TBC1D8: variants seen among roughly 807,000 people sequenced by gnomAD.
TBC1D8 encodes TBC1 domain family member 8.
Under a neutral mutation model 118.8 loss-of-function variants are expected in TBC1D8, and 65 were observed. That is an observed-to-expected ratio of 0.55 (90% CI 0.45 to 0.67). The LOEUF (loss-of-function observed/expected upper bound fraction) is 0.67. Among genes scored for constraint, TBC1D8 ranks in the 30% least tolerant of loss-of-function variants. The probability of loss-of-function intolerance (pLI) is 0.00; values close to 1 mark genes in which losing one functional copy is unlikely to be tolerated. For missense variants in TBC1D8, 1,376 were observed against 1,471.2 expected (o/e 0.94, Z 1.06); for synonymous variants, 566 against 595.8 (o/e 0.95, Z 0.73).
intron 2 of TBC1D8, among the ~76,000 whole-genome samples, chr2:101,069,904 C>T (rs1485621660): frequency 7.1e-6 from 1 of 140,586 alleles, no homozygotes; most frequent in African/African-American, 2.7e-5. Flanking sequence ...CATTTATATA[C>T]AGAGCATGTT....
At chr2:101,104,297 T>C (rs1232334572) in intron 1 of TBC1D8, among the ~76,000 whole-genome samples, 3 of 152,244 alleles carry the variant, frequency 2.0e-5, no homozygotes. Context: ...CCCAATTTTA[T>C]CTACAGATTC....
intron 1 of TBC1D8, among the ~76,000 whole-genome samples, chr2:101,097,814 G>C (rs1038885018): frequency 6.6e-6 from 1 of 152,148 alleles, no homozygotes; most frequent in African/African-American, 2.4e-5. Flanking sequence ...GCCACAGTGA[G>C]CTATGATTGA....
chr2:101,055,902 A>T (rs1288309833), intron 3 of TBC1D8, among the ~76,000 whole-genome samples: 1 of 152,078 alleles, frequency 6.6e-6, no homozygotes, highest in African/African-American at 2.4e-5. Flanking sequence ...TAAGCCCAAA[A>T]GTTTGAGGTT....
At chr2:101,017,952 T>C in intron 17 of TBC1D8, 1 of 1,549,592 alleles carries the variant, frequency 6.5e-7, no homozygotes, top group Non-Finnish European at 8.7e-7. Flanking sequence ...CTTCTCTACT[T>C]GGTGAAAAGT....
At chr2:101,049,224 T>C (rs1681898468) in intron 5 of TBC1D8, among the ~76,000 whole-genome samples, 1 of 152,086 alleles carries the variant, frequency 6.6e-6, no homozygotes, top group Non-Finnish European at 1.5e-5. Context: ...AATAAAAACT[T>C]TGGATAATAA....
chr2:101,071,505 T>C (rs1213926576), intron 2 of TBC1D8, among the ~76,000 whole-genome samples: 2 of 152,230 alleles, frequency 1.3e-5, no homozygotes, highest in East Asian at 3.8e-4. Context: ...ATTAAGTAAA[T>C]GTAAAGCTTT....
rs1457085205 is a variant in TBC1D8 at position 101,011,443 on chromosome 2, G to T, written c.2917+8C>A. The T allele has an allele frequency of 6.2e-7, 1 of 1,613,604 alleles. No individual in the cohort carries two copies. The highest frequency in any genetic ancestry group is 8.5e-7 in the Non-Finnish European group (1 of 1,179,704). Reference sequence around the variant, plus strand: ...CAGGGGAAAGCAACAATGAAAAGAGGTACGTGCCATTGGGTTTCCCGAAAA... The same window carrying T: ...CAGGGGAAAGCAACAATGAAAAGAGTTACGTGCCATTGGGTTTCCCGAAAA... On this transcript the variant is annotated splice_region_variant and intron_variant, in intron 18 of 19. Transcript: ENST00000409318.
At chr2:101,091,523 G>C (rs1676031501) in intron 1 of TBC1D8, among the ~76,000 whole-genome samples, 2 of 152,070 alleles carry the variant, frequency 1.3e-5, no homozygotes, top group Non-Finnish European at 2.9e-5. Flanking sequence ...CTAGGAGTTT[G>C]AGACCAGGCT....
intron 2 of TBC1D8, among the ~76,000 whole-genome samples, chr2:101,087,163 C>G (rs541468595): frequency 5.9e-5 from 9 of 152,220 alleles, no homozygotes; most frequent in Non-Finnish European, 1.2e-4. Context: ...ACGCAACCAG[C>G]AGGCCACAGG....
intron 9 of TBC1D8, 88 bp downstream of exon 9, chr2:101,035,930 A>G: frequency 6.9e-7 from 1 of 1,441,314 alleles, no homozygotes. Flanking sequence ...TTTCATCTGC[A>G]CATAAACACA....
intron 2 of TBC1D8, among the ~76,000 whole-genome samples, chr2:101,060,705 C>T (rs1018818457): frequency 5.9e-5 from 9 of 152,178 alleles, no homozygotes; most frequent in Non-Finnish European, 1.3e-4. Context: ...AGTAAGCACA[C>T]GACTAGAAGC....
chr2:101,059,608 C>G lies in TBC1D8; in HGVS notation c.284-69G>C. ...AGAAGTAATTCCTAGAACGTTAACT[C>G]ATTTTCCAAATATTGTGTATCCCCA... On this transcript the variant is annotated intron_variant, in intron 2 of 19. Transcript: ENST00000409318. 3.0e-6 allele frequency: 4 copies of G among 1,332,578 alleles called. No homozygotes were observed. In the Admixed American group the frequency reaches 7.2e-5, roughly 24 times the overall value. The allele number at this position is 1,332,578 out of a possible 1,614,324, so 82.5% of individuals were successfully genotyped here.
intron 2 of TBC1D8, among the ~76,000 whole-genome samples, chr2:101,075,729 T>C (rs1034028325): frequency 2.6e-5 from 4 of 152,180 alleles, no homozygotes; most frequent in Non-Finnish European, 5.9e-5. Flanking sequence ...TGTGAGTCAA[T>C]TAAACCTCTT....
At chr2:101,091,802 T>A (rs1187227642) in intron 1 of TBC1D8, among the ~76,000 whole-genome samples, 1 of 152,204 alleles carries the variant, frequency 6.6e-6, no homozygotes, top group Non-Finnish European at 1.5e-5. Context: ...AGGTCTTCAA[T>A]TTACTTCACA....
At chr2:101,071,114 C>T (rs901507944) in intron 2 of TBC1D8, among the ~76,000 whole-genome samples, 8 of 151,830 alleles carry the variant, frequency 5.3e-5, no homozygotes, top group Non-Finnish European at 2.9e-5. Context: ...CTGAGGCGGG[C>T]GGATCACGAG....
intron 1 of TBC1D8, among the ~76,000 whole-genome samples, chr2:101,116,030 C>G (rs372145259): frequency 2.4e-4 from 37 of 152,272 alleles, no homozygotes; most frequent in East Asian, 2.1e-3. Context: ...CCTCTTAATT[C>G]CATTTAAAAT....
rs908807078 is a variant in TBC1D8 at position 101,040,495 on chromosome 2, A to C, written c.873-110T>G. 3 of 1,152,702 alleles carry C rather than the reference A, an allele frequency of 2.6e-6. No individual in the cohort carries two copies. In the Admixed American group the frequency reaches 6.9e-5, roughly 27 times the overall value. The allele number at this position is 1,152,702 out of a possible 1,614,324, so 71.4% of individuals were successfully genotyped here. On this transcript the variant is annotated intron_variant, in intron 5 of 19. Coordinates refer to ENST00000409318, the MANE Select transcript of TBC1D8 (RefSeq NM_001330348.2). Reference sequence around the variant, plus strand: ...TTGTTTCATTTTATTTTTGAGACAGAGTCTCGCTCTGTCGCCCAGGATGGA... The same window carrying C: ...TTGTTTCATTTTATTTTTGAGACAGCGTCTCGCTCTGTCGCCCAGGATGGA...
chr2:101,123,330 T>C (rs1678210785), intron 1 of TBC1D8, among the ~76,000 whole-genome samples: 1 of 152,180 alleles, frequency 6.6e-6, no homozygotes, highest in African/African-American at 2.4e-5. Flanking sequence ...CTTTTATTTC[T>C]TTCTCTTGCC....
intron 17 of TBC1D8, among the ~76,000 whole-genome samples, chr2:101,012,759 GT>G: frequency 6.6e-6 from 1 of 152,264 alleles, no homozygotes; most frequent in East Asian, 1.9e-4. Context: ...ATTTTAAAAA[GT>G]TTGGAACTTA....
Sources: gnomAD v4.1 joint callset for allele counts (sites outside exome capture counted in the v4.1 genomes callset) on GRCh38, gnomAD v4.1.1 for gene constraint, MANE v1.5 for transcripts, NCBI Gene and HGNC (gene_info 2026-07-23, HGNC 2026-07-21) for gene names.